TCF12: variants seen among roughly 807,000 people sequenced by gnomAD.
TCF12 encodes DNA-binding protein HTF4.
In TCF12, 45 loss-of-function variants were observed where a neutral mutation model predicts 86.0. That is an observed-to-expected ratio of 0.52 (90% CI 0.41 to 0.67). The LOEUF (loss-of-function observed/expected upper bound fraction) is 0.67, where lower values mean the gene tolerates loss of function less well. TCF12 is among the 30% of genes least tolerant of loss of function. The pLI, the probability that TCF12 is intolerant of heterozygous loss-of-function variation, is 0.00. For missense variants in TCF12, 881 were observed against 859.9 expected, an observed-to-expected ratio of 1.02 and a Z score of -0.31; for synonymous variants, 330 against 299.6, an observed-to-expected ratio of 1.10 and a Z score of -1.05.
At chr15:57,009,837 A>G (rs967579184) in intron 3 of TCF12, among the ~76,000 whole-genome samples, 1 of 152,202 alleles carries the variant, frequency 6.6e-6, no homozygotes, top group Non-Finnish European at 1.5e-5. Flanking sequence ...AACATTTTTC[A>G]TAGAATTTTC....
chr15:56,991,732 C>T (rs562443943), intron 3 of TCF12, among the ~76,000 whole-genome samples: 3 of 152,112 alleles, frequency 2.0e-5, no homozygotes, highest in East Asian at 3.9e-4. Context: ...TTTTGTGTAC[C>T]TTAATTCCTT....
chr15:57,012,986 T>C (rs1291432288), intron 3 of TCF12, among the ~76,000 whole-genome samples: 1 of 152,156 alleles, frequency 6.6e-6, no homozygotes, highest in Non-Finnish European at 1.5e-5. Context: ...CTCTAAGAGT[T>C]AGTACTTTTA....
intron 8 of TCF12, chr15:57,219,487 C>T (rs757973217): frequency 6.2e-7 from 1 of 1,603,804 alleles, no homozygotes; most frequent in East Asian, 2.2e-5. Flanking sequence ...AGGCTGTGTG[C>T]ATTAGCTACA....
intron 8 of TCF12, among the ~76,000 whole-genome samples, chr15:57,202,641 T>C (rs1388648366): frequency 5.9e-5 from 9 of 151,880 alleles, no homozygotes; most frequent in Non-Finnish European, 1.3e-4. Context: ...TTCACCGCTA[T>C]AGCCAGGATG....
intron 13 of TCF12, chr15:57,247,737 C>G: frequency 1.4e-6 from 1 of 734,124 alleles, no homozygotes; most frequent in Non-Finnish European, 2.5e-6. Context: ...TTTGGTTCCA[C>G]TACACACCTG....
intron 3 of TCF12, among the ~76,000 whole-genome samples, chr15:57,062,542 G>C (rs1042157560): frequency 4.6e-5 from 7 of 152,106 alleles, no homozygotes; most frequent in Non-Finnish European, 8.8e-5. Context: ...TTAGTAATTA[G>C]TACATTCTAC....
At chr15:56,940,516 T>C (rs2060692553) in intron 3 of TCF12, among the ~76,000 whole-genome samples, 1 of 150,168 alleles carries the variant, frequency 6.7e-6, no homozygotes, top group Non-Finnish European at 1.5e-5. Flanking sequence ...CTTCTCCTCC[T>C]CCTCCTTCTT....
intron 12 of TCF12, among the ~76,000 whole-genome samples, chr15:57,238,998 G>A (rs1014493535): frequency 8.5e-5 from 13 of 152,156 alleles, no homozygotes; most frequent in African/African-American, 2.9e-4. Flanking sequence ...TCTGAAAGGA[G>A]GACAAGCTGT....
chr15:57,183,341 T>C (rs1470143936), intron 6 of TCF12, among the ~76,000 whole-genome samples: 2 of 152,224 alleles, frequency 1.3e-5, no homozygotes, highest in African/African-American at 4.8e-5. Flanking sequence ...GCACACACTT[T>C]TGCTAAATCA....
At chr15:57,023,488 C>G (rs1395929632) in intron 3 of TCF12, among the ~76,000 whole-genome samples, 1 of 152,130 alleles carries the variant, frequency 6.6e-6, no homozygotes, top group African/African-American at 2.4e-5. Context: ...TTCTAGTTTA[C>G]TTTCATACTT....
chr15:57,228,660 C>A (rs1052275492), intron 8 of TCF12, among the ~76,000 whole-genome samples: 1 of 151,932 alleles, frequency 6.6e-6, no homozygotes, highest in East Asian at 1.9e-4. Flanking sequence ...AGCATATTCT[C>A]TTTTATTTAG....
chr15:57,081,996 G>A (rs538332390), intron 4 of TCF12, among the ~76,000 whole-genome samples: 2 of 152,198 alleles, frequency 1.3e-5, no homozygotes, highest in South Asian at 4.1e-4. Context: ...CACCTTCAAG[G>A]AAATGAATCT....
intron 3 of TCF12, among the ~76,000 whole-genome samples, chr15:56,949,636 A>T (rs1260968019): frequency 6.6e-6 from 1 of 152,216 alleles, no homozygotes; most frequent in Non-Finnish European, 1.5e-5. Context: ...TTTAACCAAC[A>T]TTTACTTAAC....
At chr15:57,024,216 C>CTT (rs59793819) in intron 3 of TCF12, among the ~76,000 whole-genome samples, 2,064 of 111,080 alleles carry the variant, frequency 0.019, 41 homozygotes, top group East Asian at 0.051. Context: ...AAAAAAGTGT[C>CTT]TTTTTTTTTT....
intron 3 of TCF12, among the ~76,000 whole-genome samples, chr15:56,989,300 T>C (rs1284899649): frequency 1.3e-5 from 2 of 152,216 alleles, no homozygotes; most frequent in African/African-American, 4.8e-5. Context: ...TCATTTTTCC[T>C]CTTGACCTGC....
intron 3 of TCF12, among the ~76,000 whole-genome samples, chr15:56,981,616 G>T (rs2062897130): frequency 6.6e-6 from 1 of 151,992 alleles, no homozygotes; most frequent in Non-Finnish European, 1.5e-5. Flanking sequence ...AACAACATGG[G>T]GGTTAGAGGC....
intron 3 of TCF12, among the ~76,000 whole-genome samples, chr15:57,024,143 G>A (rs1456075872): frequency 2.6e-5 from 4 of 151,426 alleles, no homozygotes; most frequent in Non-Finnish European, 5.9e-5. Flanking sequence ...TGTGAACAAT[G>A]TGTTAGGAGT....
chr15:56,942,979 G>A (rs536430128), intron 3 of TCF12, among the ~76,000 whole-genome samples: 5 of 152,252 alleles, frequency 3.3e-5, no homozygotes, highest in African/African-American at 1.2e-4. Flanking sequence ...CTGAAAAATT[G>A]CAAGAACATA....
intron 4 of TCF12, chr15:57,072,564 A>G (rs1182244999): frequency 2.0e-5 from 16 of 782,466 alleles, no homozygotes; most frequent in Non-Finnish European, 2.5e-5. Context: ...GGAAAAAGGT[A>G]TACATTTTAT....
Sources: allele counts gnomAD v4.1 joint callset (sites outside exome capture counted in the v4.1 genomes callset), GRCh38; gene constraint gnomAD v4.1.1; transcripts MANE v1.5; gene names NCBI Gene and HGNC (gene_info 2026-07-23, HGNC 2026-07-21).